CTIF: variants seen among roughly 807,000 people sequenced by gnomAD.
CTIF encodes cap binding complex dependent translation initiation factor.
A neutral mutation model predicts 66.0 loss-of-function variants in CTIF; 21 were observed. That is an observed-to-expected ratio of 0.32 (90% CI 0.23 to 0.46). The LOEUF (loss-of-function observed/expected upper bound fraction) is 0.46, where lower values mean the gene tolerates loss of function less well. CTIF is among the 20% of genes least tolerant of loss of function. CTIF has a pLI of 1.00. For synonymous variants in CTIF, 345 were observed against 326.4 expected (o/e 1.06, Z -0.62); for missense variants, 739 against 812.7 (o/e 0.91, Z 1.10).
At chr18:48,718,865 C>T (rs574694143) in intron 7 of CTIF, among the ~76,000 whole-genome samples, 51 of 152,250 alleles carry the variant, frequency 3.3e-4, no homozygotes, top group Non-Finnish European at 5.6e-4. Context: ...ATATCAATAT[C>T]GCCCCATTCC....
At chr18:48,699,760 G>C (rs537869448) in intron 6 of CTIF, among the ~76,000 whole-genome samples, 1 of 152,324 alleles carries the variant, frequency 6.6e-6, no homozygotes, top group East Asian at 1.9e-4. Context: ...ACGGTCCTCT[G>C]ATATGCGTAT....
At chr18:48,720,795 G>A (rs2092328066) in intron 7 of CTIF, among the ~76,000 whole-genome samples, 1 of 152,160 alleles carries the variant, frequency 6.6e-6, no homozygotes, top group Non-Finnish European at 1.5e-5. Flanking sequence ...CCTTTGCACA[G>A]TGCAGCTGCC....
At chr18:48,637,293 G>A (rs1000632942) in intron 3 of CTIF, among the ~76,000 whole-genome samples, 2 of 152,214 alleles carry the variant, frequency 1.3e-5, no homozygotes, top group African/African-American at 4.8e-5. Flanking sequence ...TGGGAGGGAA[G>A]GGAGGCAGCT....
intron 9 of CTIF, among the ~76,000 whole-genome samples, chr18:48,788,882 A>G (rs1011386206): frequency 1.3e-5 from 2 of 152,180 alleles, no homozygotes; most frequent in Non-Finnish European, 2.9e-5. Flanking sequence ...CTAGAAAGGT[A>G]CTATGACATC....
At chr18:48,688,496 A>G (rs2091878673) in intron 6 of CTIF, 1 of 152,312 alleles carries the variant, frequency 6.6e-6, no homozygotes, top group Non-Finnish European at 1.5e-5. Context: ...AACAGCCAGC[A>G]TTGGATGGAG....
intron 7 of CTIF, among the ~76,000 whole-genome samples, chr18:48,741,790 G>A (rs2092557033): frequency 6.6e-6 from 1 of 152,126 alleles, no homozygotes; most frequent in Non-Finnish European, 1.5e-5. Flanking sequence ...TTATGGGGCT[G>A]AGAGCCTCCC....
At chr18:48,826,167 T>G (rs557043546) in intron 10 of CTIF, 2 of 152,344 alleles carry the variant, frequency 1.3e-5, no homozygotes, top group African/African-American at 4.8e-5. Flanking sequence ...GTTTTCAGGC[T>G]TAAAATAAGC....
intron 1 of CTIF, among the ~76,000 whole-genome samples, chr18:48,578,400 G>C (rs2089582327): frequency 6.6e-6 from 1 of 152,162 alleles, no homozygotes; most frequent in African/African-American, 2.4e-5. Flanking sequence ...AAGAACGCCA[G>C]GTTGTATTTC....
Position 48,593,748 on chromosome 18 carries a change from GT to G in CTIF, c.-28-25779del, listed in dbSNP as rs35415961. Among the ~76,000 whole-genome samples, 41 of 145,722 alleles carry G rather than the reference GT, an allele frequency of 2.8e-4. 1 individual carries two copies. Among genetic ancestry groups the G allele is most frequent in the South Asian group, 1.3e-3 (6 of 4,618 alleles). ...TTAAACTCTGGGAGGTTTTTTGTTT[GT>G]TTTTTTTTTTAAGATATTATTCTTA... On this transcript the variant is annotated intron_variant, in intron 1 of 11. Transcript: ENST00000256413.
intron 7 of CTIF, among the ~76,000 whole-genome samples, chr18:48,745,906 G>A (rs1041033326): frequency 4.6e-5 from 7 of 152,166 alleles, no homozygotes; most frequent in African/African-American, 1.2e-4. Context: ...GCTCAAAAAC[G>A]TGGCCCAGGG....
chr18:48,801,457 C>T (rs2068047629), intron 9 of CTIF, among the ~76,000 whole-genome samples: 1 of 152,242 alleles, frequency 6.6e-6, no homozygotes, highest in African/African-American at 2.4e-5. Flanking sequence ...GATGTGTGCA[C>T]TCCCATTGCA....
chr18:48,769,863 A>G (rs1909937119), intron 9 of CTIF, among the ~76,000 whole-genome samples: 2 of 152,212 alleles, frequency 1.3e-5, no homozygotes, highest in African/African-American at 4.8e-5. Flanking sequence ...GTCTCTGTTC[A>G]TTTGCCCTCC....
At chr18:48,785,008 A>T (rs1911576533) in intron 9 of CTIF, among the ~76,000 whole-genome samples, 1 of 152,232 alleles carries the variant, frequency 6.6e-6, no homozygotes, top group Non-Finnish European at 1.5e-5. Flanking sequence ...TGCATGCGTG[A>T]GCATGGAGTT....
chr18:48,545,092 A>G (rs935940042), intron 1 of CTIF, among the ~76,000 whole-genome samples: 2 of 152,208 alleles, frequency 1.3e-5, no homozygotes, highest in African/African-American at 2.4e-5. Flanking sequence ...GGAACTGGCC[A>G]GGAAAGGAGA....
intron 1 of CTIF, among the ~76,000 whole-genome samples, chr18:48,570,838 G>A (rs2175564): frequency 0.64 from 96,903 of 151,780 alleles, 32,070 homozygotes; most frequent in East Asian, 0.93. Flanking sequence ...GGACAGGGCT[G>A]GAGAGTGGAG....
At chr18:48,785,805 GC>G (rs755673456) in intron 9 of CTIF, among the ~76,000 whole-genome samples, 1 of 152,172 alleles carries the variant, frequency 6.6e-6, no homozygotes, top group Non-Finnish European at 1.5e-5. Context: ...AAATGCCAAT[GC>G]CCAGGCTATG....
chr18:48,625,677 C>T (rs2090580702), intron 2 of CTIF, among the ~76,000 whole-genome samples: 1 of 152,204 alleles, frequency 6.6e-6, no homozygotes, highest in Non-Finnish European at 1.5e-5. Flanking sequence ...AGAGATTCTT[C>T]TGGGCTTGCA....
At chr18:48,837,838 T>A (rs2068847363) in intron 10 of CTIF, among the ~76,000 whole-genome samples, 1 of 152,046 alleles carries the variant, frequency 6.6e-6, no homozygotes, top group South Asian at 2.1e-4. Flanking sequence ...CCTGAGCCCC[T>A]GCCCCCCACC....
intron 6 of CTIF, among the ~76,000 whole-genome samples, chr18:48,692,185 T>C (rs1015629884): frequency 1.3e-5 from 2 of 152,178 alleles, no homozygotes; most frequent in Admixed American, 6.5e-5. Context: ...TTTTTATCTT[T>C]GTAAAACAAA....
Sources: gnomAD v4.1 joint callset for allele counts (sites outside exome capture counted in the v4.1 genomes callset) on GRCh38, gnomAD v4.1.1 for gene constraint, MANE v1.5 for transcripts, NCBI Gene and HGNC (gene_info 2026-07-23, HGNC 2026-07-21) for gene names.